The following PARP16 variants were observed in gnomAD, a reference collection of about 807,000 sequenced individuals.
The protein encoded by PARP16 is protein mono-ADP-ribosyltransferase PARP16.
PARP16 carries 31 observed loss-of-function variants against 35.0 expected under a neutral mutation model. The ratio of observed to expected loss-of-function variants is 0.88; its 90% CI spans 0.66 to 1.19. PARP16 has a LOEUF of 1.19. Among genes scored for constraint, PARP16 ranks in the 50% most tolerant of loss-of-function variants. The pLI is 0.00. For synonymous variants in PARP16, 162 were observed against 169.5 expected (o/e 0.96, Z 0.34); for missense variants, 424 against 411.2 (o/e 1.03, Z -0.27).
At chr15:65,271,182 C>G in intron 1 of PARP16, 110 bp from the exon 2 acceptor site, 2 of 990,594 alleles carry the variant, frequency 2.0e-6, no homozygotes, top group Middle Eastern at 4.5e-4. Context: ...CTCAAGGGAT[C>G]TCCTGAGAGG....
In PARP16 at chr15:65,263,138, T is replaced by G; in HGVS notation, c.691+11A>C. On this transcript the variant is annotated intron_variant, in intron 4 of 5. Coordinates refer to ENST00000649807, the MANE Select transcript of PARP16 (RefSeq NM_001316943.2). ...GCCTGTAGCCCAGGTCTGGACCAAG[T>G]GCTCACTCACCCTTCTTCTTGGTTT... 1 of 1,612,318 alleles carries G rather than the reference T, an allele frequency of 6.2e-7. No homozygotes were observed. The highest frequency in any genetic ancestry group is 8.5e-7 in the Non-Finnish European group (1 of 1,179,014).
At chr15:65,283,294 G>A (rs549257846) in intron 1 of PARP16, among the ~76,000 whole-genome samples, 1 of 151,844 alleles carries the variant, frequency 6.6e-6, no homozygotes, top group African/African-American at 2.4e-5. Flanking sequence ...AAAAAAAGCT[G>A]CATTGTGAGT....
At chr15:65,239,659 CT>C (rs71136328) in intron 3 of PARP16, among the ~76,000 whole-genome samples, 83,409 of 129,212 alleles carry the variant, frequency 0.65, 28,003 homozygotes, top group East Asian at 0.97. Context: ...GTAATTTTTT[CT>C]TTTTTTTTTT....
chr15:65,267,619 A>C (rs1187422517), intron 2 of PARP16, among the ~76,000 whole-genome samples: 2 of 115,178 alleles, frequency 1.7e-5, no homozygotes, highest in Non-Finnish European at 3.8e-5. Context: ...AAAATAAATA[A>C]ATTAATTAAT....
At chr15:65,235,715 GGGA>G (rs1259160874) in intron 3 of PARP16, among the ~76,000 whole-genome samples, 1 of 151,456 alleles carries the variant, frequency 6.6e-6, no homozygotes, top group Non-Finnish European at 1.5e-5. Flanking sequence ...AGGCTGAGGT[GGGA>G]GGATCGCCTG....
At chr15:65,243,754 C>A (rs948901826) in intron 3 of PARP16, among the ~76,000 whole-genome samples, 6 of 152,016 alleles carry the variant, frequency 3.9e-5, no homozygotes, top group African/African-American at 7.3e-5. Context: ...AGGTTTTTAA[C>A]TATTATATAA....
intron 3 of PARP16, among the ~76,000 whole-genome samples, chr15:65,266,016 C>T (rs2089879085): frequency 6.6e-6 from 1 of 152,188 alleles, no homozygotes; most frequent in African/African-American, 2.4e-5. Context: ...GCCACCTCTG[C>T]CTCCCAGGTT....
At position 65,235,639 on chromosome 15, in the gene PARP16, CAAAAAAAA is replaced by C. The variant is rs57790733; in HGVS notation, c.*98-824_*98-817del. On this transcript the variant is annotated intron_variant and NMD_transcript_variant, in intron 3 of 3. Transcript: ENST00000559805. ...GCAATATGGTAAAACCCTATCTCTA[CAAAAAAAA>C]AAAAAAAAAAAATTAGCCGGGCATG... Among the ~76,000 whole-genome samples the C allele has an allele frequency of 3.8e-4, 32 of 83,698 alleles. 1 individual carries two copies. Among genetic ancestry groups the C allele is most frequent in the South Asian group, 4.5e-4 (1 of 2,230 alleles). The allele number at this position is 83,698 out of a possible 152,430, so 54.9% of individuals were successfully genotyped here.
intron 2 of PARP16, among the ~76,000 whole-genome samples, chr15:65,249,590 G>T (rs556618934): frequency 4.7e-4 from 72 of 152,370 alleles, no homozygotes; most frequent in African/African-American, 1.6e-3. Context: ...AGCCAGGCAG[G>T]ACTGGAGACA....
intron 2 of PARP16, among the ~76,000 whole-genome samples, chr15:65,269,176 T>TCTTTCTTTCTTTCTTTC (rs1555423772): frequency 6.8e-6 from 1 of 146,054 alleles, no homozygotes; most frequent in East Asian, 2.1e-4. Context: ...TAGTCGGTTT[T>TCTTTCTTTCTTTCTTTC]TTTCTTTCTT....
chr15:65,251,179 C>T (rs1273550448), intron 2 of PARP16, among the ~76,000 whole-genome samples: 6 of 152,114 alleles, frequency 3.9e-5, no homozygotes, highest in African/African-American at 1.4e-4. Context: ...TCACCATGCC[C>T]CTGCCTCCCA....
intron 2 of PARP16, among the ~76,000 whole-genome samples, chr15:65,269,847 C>T (rs1173221812): frequency 6.6e-6 from 1 of 152,068 alleles, no homozygotes; most frequent in African/African-American, 2.4e-5. Flanking sequence ...CTTTAGCACC[C>T]AACATCTAGT....
downstream of PARP16, among the ~76,000 whole-genome samples, chr15:65,232,437 C>T (rs1193293650): frequency 1.3e-5 from 2 of 152,158 alleles, no homozygotes; most frequent in Non-Finnish European, 2.9e-5. Context: ...TCAACAAAAA[C>T]TGAAACACTA....
At chr15:65,247,795 GTTC>G (rs1465848422) in intron 3 of PARP16, among the ~76,000 whole-genome samples, 5 of 130,646 alleles carry the variant, frequency 3.8e-5, no homozygotes, top group South Asian at 2.5e-4. Context: ...CCAATGGATT[GTTC>G]TTTTTTTTTT....
chr15:65,277,348 C>T (rs2090289440), intron 1 of PARP16, among the ~76,000 whole-genome samples: 1 of 152,044 alleles, frequency 6.6e-6, no homozygotes, highest in Non-Finnish European at 1.5e-5. Flanking sequence ...GGTACCTGAC[C>T]CTCTGGGGCC....
chr15:65,239,452 AAGAGAGAAAAG>A (rs2088982692), intron 3 of PARP16, among the ~76,000 whole-genome samples: 17 of 113,078 alleles, frequency 1.5e-4, no homozygotes, highest in African/African-American at 1.9e-4. Context: ...AAAAAAAAAA[AAGAGAGAAAAG>A]AAAAAAAAAA....
downstream of PARP16, among the ~76,000 whole-genome samples, chr15:65,256,880 A>G (rs2140810052): frequency 6.6e-6 from 1 of 152,306 alleles, no homozygotes; most frequent in East Asian, 1.9e-4. Context: ...CTTTCAGCCT[A>G]GAACCAATTC....
intron 3 of PARP16, among the ~76,000 whole-genome samples, chr15:65,241,015 T>C (rs2089062372): frequency 6.6e-6 from 1 of 152,010 alleles, no homozygotes; most frequent in South Asian, 2.1e-4. Flanking sequence ...TGTATTTTTT[T>C]AGTAGAGGTG....
intron 3 of PARP16, among the ~76,000 whole-genome samples, chr15:65,246,995 A>T (rs2089226298): frequency 6.6e-6 from 1 of 150,474 alleles, no homozygotes; most frequent in African/African-American, 2.4e-5. Flanking sequence ...ATGCTCAACA[A>T]TTTTTTTTTT....
Sources: gnomAD v4.1 joint callset for allele counts (sites outside exome capture counted in the v4.1 genomes callset) on GRCh38, gnomAD v4.1.1 for gene constraint, MANE v1.5 for transcripts, NCBI Gene and HGNC (gene_info 2026-07-23, HGNC 2026-07-21) for gene names.